The following KMT2C variants were observed in gnomAD, a reference collection of about 807,000 sequenced individuals.
KMT2C encodes lysine methyltransferase 2C.
In KMT2C, 88 loss-of-function variants were observed where a neutral mutation model predicts 507.9. The ratio of observed to expected loss-of-function variants is 0.17; its 90% confidence interval spans 0.15 to 0.21. The LOEUF is 0.21. Among genes scored for constraint, KMT2C ranks in the 10% least tolerant of loss-of-function variants. The pLI is 1.00. For synonymous variants in KMT2C, 2,049 were observed against 2,080.8 expected, an observed-to-expected ratio of 0.98 and a Z score of 0.42; for missense variants, 4,954 against 5,957.8, an observed-to-expected ratio of 0.83 and a Z score of 5.55.
At chr7:152,322,116 C>T (rs1589176095) in intron 3 of KMT2C, among the ~76,000 whole-genome samples, 1 of 150,966 alleles carries the variant, frequency 6.6e-6, no homozygotes, top group African/African-American at 2.4e-5. Flanking sequence ...GTAATGCCAG[C>T]ACTTGGGTAG....
chr7:152,135,311 T>TGTC lies in KMT2C; in HGVS notation c.*1518_*1520dup, dbSNP rs2089789096. ...TTCATTTTATACTTAGCCTGTGAAG[T>TGTC]GTCAGTACCAGAATTTTAAGTACAA... is the stretch of plus-strand genomic sequence containing the variant. On this transcript the variant is annotated 3_prime_UTR_variant, in exon 59 of 59. Coordinates refer to ENST00000262189, the MANE Select transcript of KMT2C (RefSeq NM_170606.3). 1 of 218,602 alleles carries TGTC rather than the reference T, an allele frequency of 4.6e-6. No individual in the cohort carries two copies. The highest frequency in any genetic ancestry group is 6.9e-5 in the East Asian group (1 of 14,592). 13.5% of individuals were successfully genotyped at this position (218,602 alleles called of 1,614,324 possible).
intron 6 of KMT2C, among the ~76,000 whole-genome samples, chr7:152,303,677 A>ATGT (rs201862204): frequency 0.14 from 20,933 of 152,106 alleles, 3,782 homozygotes; most frequent in African/African-American, 0.41. Flanking sequence ...AACGCTGCAG[A>ATGT]TGTTAAGTTA....
intron 1 of KMT2C, among the ~76,000 whole-genome samples, chr7:152,408,230 G>A: frequency 6.6e-6 from 1 of 151,850 alleles, no homozygotes; most frequent in Non-Finnish European, 1.5e-5. Flanking sequence ...AGAGGTTGCA[G>A]TGAGCCAAAA....
chr7:152,181,973 A>T lies in KMT2C; in HGVS notation c.5887T>A (p.Tyr1963Asn). The T allele has an allele frequency of 6.2e-7, 1 of 1,614,182 alleles. No homozygotes were observed. Among genetic ancestry groups the T allele is most frequent in the Non-Finnish European group, 8.5e-7 (1 of 1,180,026 alleles). ...CSSSTTNNDP[Y>N]AKPPDTPRPV... ...CTAGGTGTGTCTGGAGGTTTTGCAT[A>T]GGGGTCATTATTTGTCGTGGAAGAA... The change falls in exon 36 of 59, where the codon TAT becomes AAT. Residue 1963 changes from tyrosine to asparagine, a missense_variant. This residue lies in a region of KMT2C where 1,689 missense variants were observed against 1,654.3 expected (regional missense o/e 1.02). Coordinates refer to ENST00000262189, the MANE Select transcript of KMT2C (RefSeq NM_170606.3).
chr7:152,275,623 C>A (rs2096067663), intron 6 of KMT2C, among the ~76,000 whole-genome samples: 1 of 151,980 alleles, frequency 6.6e-6, no homozygotes, highest in African/African-American at 2.4e-5. Context: ...GTGTAATAAC[C>A]AGCTTTTACA....
At chr7:152,353,239 A>G (rs2097127739) in intron 2 of KMT2C, among the ~76,000 whole-genome samples, 2 of 152,034 alleles carry the variant, frequency 1.3e-5, no homozygotes, top group Admixed American at 6.5e-5. Context: ...CCTGGCAAAG[A>G]TGGTGAAACC....
intron 16 of KMT2C, among the ~76,000 whole-genome samples, chr7:152,233,224 A>C (rs1378437736): frequency 6.6e-6 from 1 of 152,220 alleles, no homozygotes; most frequent in African/African-American, 2.4e-5. Flanking sequence ...TTTATTTTAT[A>C]ATTTATTTCA....
intron 1 of KMT2C, among the ~76,000 whole-genome samples, chr7:152,395,960 A>G (rs544096373): frequency 6.6e-6 from 1 of 152,284 alleles, no homozygotes; most frequent in South Asian, 2.1e-4. Context: ...CCACTTTTAC[A>G]TGTGTAACTT....
intron 7 of KMT2C, among the ~76,000 whole-genome samples, chr7:152,271,530 G>A (rs545386106): frequency 9.8e-4 from 149 of 152,008 alleles, no homozygotes; most frequent in African/African-American, 3.3e-3. Flanking sequence ...AAAATTAGCC[G>A]GGTGTGATGG....
intron 31 of KMT2C, among the ~76,000 whole-genome samples, chr7:152,191,030 T>C (rs1257119681): frequency 6.6e-6 from 1 of 152,178 alleles, no homozygotes; most frequent in Non-Finnish European, 1.5e-5. Context: ...AACATGTAAT[T>C]GCACACCTAA....
chr7:152,327,467 T>G (rs1448352287), intron 3 of KMT2C, among the ~76,000 whole-genome samples: 1 of 152,166 alleles, frequency 6.6e-6, no homozygotes, highest in Non-Finnish European at 1.5e-5. Flanking sequence ...CACAGAATAC[T>G]TTCAGAAGGC....
chr7:152,245,934 C>A (rs2095464895), intron 14 of KMT2C, among the ~76,000 whole-genome samples: 2 of 152,092 alleles, frequency 1.3e-5, no homozygotes, highest in South Asian at 4.1e-4. Flanking sequence ...CAGGAAAATG[C>A]AGCTTATTTT....
At chr7:152,168,870 C>T (rs1019693323) in intron 41 of KMT2C, among the ~76,000 whole-genome samples, 3 of 152,066 alleles carry the variant, frequency 2.0e-5, no homozygotes, top group Non-Finnish European at 4.4e-5. Context: ...TAGAGCAAAA[C>T]GTGGTTTAGT....
At chr7:152,309,920 T>C in intron 6 of KMT2C, 46 bp downstream of exon 6, 1 of 1,176,328 alleles carries the variant, frequency 8.5e-7, no homozygotes, top group Non-Finnish European at 1.3e-6. Flanking sequence ...CTGATTAAAG[T>C]GAATGTTATA....
intron 6 of KMT2C, among the ~76,000 whole-genome samples, chr7:152,294,164 C>T (rs1187573090): frequency 1.3e-5 from 2 of 152,088 alleles, no homozygotes; most frequent in East Asian, 3.9e-4. Flanking sequence ...GCCACTATGC[C>T]CAGCCACATC....
At chr7:152,213,987 C>T (rs1308520010) in intron 23 of KMT2C, among the ~76,000 whole-genome samples, 1 of 151,986 alleles carries the variant, frequency 6.6e-6, no homozygotes, top group African/African-American at 2.4e-5. Context: ...ACATCATAAT[C>T]ATGAGAAAAA....
At chr7:152,317,188 A>T (rs1227022223) in intron 3 of KMT2C, among the ~76,000 whole-genome samples, 2 of 152,220 alleles carry the variant, frequency 1.3e-5, no homozygotes, top group Admixed American at 1.3e-4. Flanking sequence ...GGCTTAGAAG[A>T]CCTCAGAAAT....
intron 6 of KMT2C, among the ~76,000 whole-genome samples, chr7:152,292,668 A>C (rs1459491200): frequency 6.6e-6 from 1 of 152,142 alleles, no homozygotes; most frequent in Non-Finnish European, 1.5e-5. Flanking sequence ...ACAGGCTGTC[A>C]TTTGCTGACA....
At chr7:152,330,293 T>C (rs963174018) in intron 3 of KMT2C, among the ~76,000 whole-genome samples, 1 of 152,038 alleles carries the variant, frequency 6.6e-6, no homozygotes, top group Admixed American at 6.6e-5. Flanking sequence ...GTATCAAAAA[T>C]TAATCCTCAT....
Sources: allele counts gnomAD v4.1 joint callset (sites outside exome capture counted in the v4.1 genomes callset), GRCh38; gene constraint gnomAD v4.1.1; regional missense constraint gnomAD v4.1.1; transcripts MANE v1.5; gene names NCBI Gene and HGNC (gene_info 2026-07-23, HGNC 2026-07-21).